Variants in TNRC6B observed in about 807,000 individuals in gnomAD.
TNRC6B encodes trinucleotide repeat-containing gene 6B protein.
Under a neutral mutation model 203.6 loss-of-function variants are expected in TNRC6B, and 52 were observed. The ratio of observed to expected loss-of-function variants is 0.26; its 90% CI spans 0.20 to 0.32. TNRC6B has a LOEUF of 0.32. TNRC6B is among the 10% of genes least tolerant of loss of function. The probability of loss-of-function intolerance (pLI) is 1.00; values close to 1 mark genes in which losing one functional copy is unlikely to be tolerated. For synonymous variants in TNRC6B, 838 were observed against 845.7 expected, an observed-to-expected ratio of 0.99 and a Z score of 0.16; for missense variants, 1,923 against 2,286.2, an observed-to-expected ratio of 0.84 and a Z score of 3.24.
intron 1 of TNRC6B, among the ~76,000 whole-genome samples, chr22:40,215,790 G>C (rs912878388): frequency 1.3e-5 from 2 of 152,200 alleles, no homozygotes; most frequent in Non-Finnish European, 2.9e-5. Flanking sequence ...ATGTTAAGAT[G>C]ATGAGTGTGA....
intron 1 of TNRC6B, among the ~76,000 whole-genome samples, chr22:40,062,873 G>A (rs1019782296): frequency 1.3e-5 from 2 of 150,936 alleles, no homozygotes; most frequent in Non-Finnish European, 2.9e-5. Context: ...TTTTAGACAC[G>A]TTTTGTGAAA....
At chr22:40,060,589 A>G (rs2067841050) in intron 1 of TNRC6B, among the ~76,000 whole-genome samples, 1 of 152,236 alleles carries the variant, frequency 6.6e-6, no homozygotes, top group Admixed American at 6.5e-5. Context: ...CCCTAGGTTC[A>G]GTGATTACTT....
Position 40,246,032 on chromosome 22 carries a change from G to T in TNRC6B, c.23G>T (p.Arg8Met). Residue 8 changes from arginine to methionine, a missense_variant, in exon 2 of 23, where the codon AGG becomes ATG. Physicochemically the swap from Arg to Met is moderately conservative, Grantham distance 91 (BLOSUM62 -1). Transcript: ENST00000454349. ...TTTAATAGAGAGAAGGAGCAAGAAA[G>T]GGAAGAACAGTTAATGGAAGACAAG... MREKEQE[R>M]EEQLMEDKKR... 6.5e-7 allele frequency: 1 copy of T among 1,548,082 alleles called. No individual in the cohort carries two copies. Among genetic ancestry groups the T allele is most frequent in the South Asian group, 1.2e-5 (1 of 83,424 alleles).
chr22:40,086,709 A>G (rs551007723), intron 1 of TNRC6B, among the ~76,000 whole-genome samples: 3 of 152,314 alleles, frequency 2.0e-5, no homozygotes, highest in South Asian at 2.1e-4. Flanking sequence ...GAGAAATTCA[A>G]TTTTTTCTTC....
Position 40,138,503 on chromosome 22 carries a change from T to C in TNRC6B, c.45+12641T>C, listed in dbSNP as rs917242536. On this transcript the variant is annotated intron_variant, in intron 3 of 23. Coordinates refer to the TNRC6B transcript ENST00000301923. ...CTGGTCTCGAATTCCTGACCTCAGG[T>C]GATCCGCCTGCCTTAGCCTCCCAAA... Among the ~76,000 whole-genome samples the C allele has an allele frequency of 9.9e-5, 15 of 152,272 alleles. No individual in the cohort carries two copies. In the East Asian group the frequency reaches 2.9e-3, roughly 29 times the overall value.
At chr22:40,280,991 C>T (rs2070715205) in intron 10 of TNRC6B, 128 bp from the exon 11 acceptor site, 3 of 713,142 alleles carry the variant, frequency 4.2e-6, no homozygotes, top group Non-Finnish European at 6.5e-6. Flanking sequence ...ATCCAAATTC[C>T]ATCCTTGGTT....
At chr22:40,199,474 A>T (rs1276197553) in intron 1 of TNRC6B, among the ~76,000 whole-genome samples, 1 of 152,120 alleles carries the variant, frequency 6.6e-6, no homozygotes, top group Non-Finnish European at 1.5e-5. Context: ...ACCTCAATCT[A>T]ATTATGAGGA....
At chr22:40,178,472 T>A (rs1463042968) in intron 1 of TNRC6B, among the ~76,000 whole-genome samples, 2 of 152,022 alleles carry the variant, frequency 1.3e-5, no homozygotes, top group African/African-American at 4.8e-5. Context: ...AACACAGACC[T>A]CCCCCTCCCC....
chr22:40,326,660 GAAGA>G lies in TNRC6B; in HGVS notation c.*3422_*3425del, dbSNP rs1417967375. The G allele has an allele frequency of 6.6e-6, 1 of 152,312 alleles. No homozygotes were observed. The highest frequency in any genetic ancestry group is 1.5e-5 in the Non-Finnish European group (1 of 67,964). 9.4% of individuals were successfully genotyped at this position (152,312 alleles called of 1,614,324 possible). On this transcript the variant is annotated 3_prime_UTR_variant, in exon 23 of 23. Coordinates refer to ENST00000454349, the MANE Select transcript of TNRC6B (RefSeq NM_001162501.2). ...CCAGCAACAAAAGAAAGGAAGGAAG[GAAGA>G]AACAACAGCTTAAAAAAAAAAGTAA...
chr22:40,143,596 T>C lies in TNRC6B; in HGVS notation c.46-12519T>C, dbSNP rs543741439. 3.9e-5 allele frequency among the ~76,000 whole-genome samples: 6 copies of C among 152,164 alleles called. No individual in the cohort carries two copies. The South Asian group carries it at 1.2e-3, about 32-fold the overall frequency. Reference sequence around the variant, plus strand: ...GCTCCACCTCCCGGGTTCACTTCATTCTCCTGCCTCACTGCCTCAGCCTCT... The same window carrying C: ...GCTCCACCTCCCGGGTTCACTTCATCCTCCTGCCTCACTGCCTCAGCCTCT... On this transcript the variant is annotated intron_variant, in intron 3 of 23. Coordinates refer to the TNRC6B transcript ENST00000301923.
chr22:40,214,627 A>G (rs2069610372), intron 1 of TNRC6B, among the ~76,000 whole-genome samples: 1 of 151,676 alleles, frequency 6.6e-6, no homozygotes, highest in Admixed American at 6.6e-5. Context: ...TGGCATGATC[A>G]TAGCTCACTT....
At chr22:40,162,727 T>C (rs1256664241) in intron 4 of TNRC6B, among the ~76,000 whole-genome samples, 3 of 152,250 alleles carry the variant, frequency 2.0e-5, no homozygotes, top group African/African-American at 4.8e-5. Context: ...TTGAACTCTC[T>C]GTAAACTCAA....
chr22:40,176,736 A>G (rs574222311), upstream of TNRC6B, among the ~76,000 whole-genome samples: 3 of 152,330 alleles, frequency 2.0e-5, no homozygotes, highest in African/African-American at 7.2e-5. Flanking sequence ...ATAAATTGCA[A>G]TTATGACCAT....
chr22:40,066,914 A>AT (rs963796844), intron 1 of TNRC6B, among the ~76,000 whole-genome samples: 8 of 145,306 alleles, frequency 5.5e-5, no homozygotes, highest in African/African-American at 2.0e-4. Flanking sequence ...TTCTTTTTAA[A>AT]TTTTTTTTGA....
intron 1 of TNRC6B, among the ~76,000 whole-genome samples, chr22:40,059,828 T>C (rs1250756925): frequency 6.6e-6 from 1 of 150,830 alleles, no homozygotes; most frequent in Non-Finnish European, 1.5e-5. Context: ...TTTTTTTTTT[T>C]TTTTTTTCCC....
At chr22:40,319,474 A>C in intron 21 of TNRC6B, among the ~76,000 whole-genome samples, 1 of 132,958 alleles carries the variant, frequency 7.5e-6, no homozygotes, top group Admixed American at 8.6e-5. Flanking sequence ...CTCAGACTGG[A>C]GTGTGCAGTG....
intron 1 of TNRC6B, among the ~76,000 whole-genome samples, chr22:40,113,604 A>G (rs890525726): frequency 6.6e-6 from 1 of 152,104 alleles, no homozygotes; most frequent in Admixed American, 6.5e-5. Flanking sequence ...CAATCTGCCC[A>G]CCTCTGCCTC....
intron 1 of TNRC6B, among the ~76,000 whole-genome samples, chr22:40,085,783 C>A (rs995217046): frequency 2.6e-5 from 4 of 152,130 alleles, no homozygotes; most frequent in African/African-American, 9.7e-5. Flanking sequence ...TTAGGGTTTA[C>A]AAAATGGTAA....
chr22:40,160,634 A>G (rs1286052263), intron 4 of TNRC6B, among the ~76,000 whole-genome samples: 1 of 152,176 alleles, frequency 6.6e-6, no homozygotes, highest in Non-Finnish European at 1.5e-5. Context: ...GCAGCGAGGT[A>G]AGTCACTGCA....
Sources: gnomAD v4.1 joint callset for allele counts (sites outside exome capture counted in the v4.1 genomes callset) on GRCh38, gnomAD v4.1.1 for gene constraint, MANE v1.5 for transcripts, NCBI Gene and HGNC (gene_info 2026-07-23, HGNC 2026-07-21) for gene names.